The following RND3 variants were observed in gnomAD, a reference collection of about 807,000 sequenced individuals.
The protein encoded by RND3 is Rho family GTPase 3.
Under a neutral mutation model 26.5 loss-of-function variants are expected in RND3, and 8 were observed. That is an observed-to-expected ratio of 0.30 (90% CI 0.18 to 0.54). The LOEUF is 0.54. Ranked by LOEUF, RND3 falls within the 20% of genes least tolerant of loss-of-function variation. The probability of loss-of-function intolerance (pLI) is 0.94; values close to 1 mark genes in which losing one functional copy is unlikely to be tolerated. For missense variants in RND3, 207 were observed against 302.8 expected (o/e 0.68, Z 2.35); for synonymous variants, 113 against 113.0 (o/e 1.00, Z 0.00).
Position 150,487,470 on chromosome 2 carries a change from A to ATATATATAT in RND3, c.-38-16_-38-15insATATATATA, listed in dbSNP as rs1236158055. On this transcript the variant is annotated splice_polypyrimidine_tract_variant and intron_variant, in intron 1 of 5. Coordinates refer to ENST00000263895, the MANE Select transcript of RND3 (RefSeq NM_005168.5). The stretch of plus-strand genomic sequence containing the variant: ...AGGAATTTTCTCTTAAGAAGAAAAA[A>ATATATATAT]AAAAATATATATATATATATATATT... The ATATATATAT allele has an allele frequency of 1.2e-4, 50 of 402,424 alleles. No individual in the cohort carries two copies. Among genetic ancestry groups the ATATATATAT allele is most frequent in the East Asian group, 2.1e-4 (3 of 14,540 alleles). 24.9% of individuals were successfully genotyped at this position (402,424 alleles called of 1,614,324 possible).
chr2:150,475,882 C>T (rs1456823700), intron 3 of RND3, among the ~76,000 whole-genome samples: 1 of 152,112 alleles, frequency 6.6e-6, no homozygotes. Context: ...AAGGCACCAG[C>T]CAATTAATTT....
At chr2:150,479,291 C>A (rs1046615883) in intron 3 of RND3, among the ~76,000 whole-genome samples, 5 of 152,098 alleles carry the variant, frequency 3.3e-5, no homozygotes, top group East Asian at 1.9e-4. Flanking sequence ...GCTGAAGTCA[C>A]CCTTTCGCAA....
At chr2:150,482,240 T>C (rs896208493) in intron 3 of RND3, among the ~76,000 whole-genome samples, 1 of 152,230 alleles carries the variant, frequency 6.6e-6, no homozygotes, top group African/African-American at 2.4e-5. Context: ...TGAATGATTA[T>C]TACTCCCTAA....
intron 3 of RND3, among the ~76,000 whole-genome samples, chr2:150,480,291 C>A (rs570537313): frequency 2.6e-5 from 4 of 152,230 alleles, no homozygotes; most frequent in African/African-American, 9.6e-5. Flanking sequence ...GCTCATTTTT[C>A]AAAACCAATG....
chr2:150,477,389 A>G (rs1169174956), intron 3 of RND3, among the ~76,000 whole-genome samples: 2 of 152,228 alleles, frequency 1.3e-5, no homozygotes, highest in East Asian at 1.9e-4. Context: ...AGGAAAAGCG[A>G]TTGAAGAAAT....
intron 3 of RND3, among the ~76,000 whole-genome samples, chr2:150,478,854 A>G (rs1420763776): frequency 6.6e-6 from 1 of 152,180 alleles, no homozygotes; most frequent in African/African-American, 2.4e-5. Context: ...CATGTGGAAT[A>G]GGCTTCATGC....
At chr2:150,472,929 C>T (rs776468542) in intron 4 of RND3, among the ~76,000 whole-genome samples, 22 of 151,982 alleles carry the variant, frequency 1.4e-4, no homozygotes, top group Non-Finnish European at 2.5e-4. Context: ...CAAACTACAC[C>T]AGAGGATTCA....
intron 5 of RND3, among the ~76,000 whole-genome samples, chr2:150,471,003 T>C (rs1361461502): frequency 6.6e-6 from 1 of 152,218 alleles, no homozygotes; most frequent in African/African-American, 2.4e-5. Flanking sequence ...TTTCTAAGTG[T>C]GAACCATACC....
intron 4 of RND3, among the ~76,000 whole-genome samples, chr2:150,473,668 G>A (rs913103603): frequency 6.6e-6 from 1 of 152,172 alleles, no homozygotes; most frequent in Admixed American, 6.5e-5. Flanking sequence ...TCTACTAAGA[G>A]TTTTATTGAA....
At chr2:150,481,897 C>G (rs1488477007) in intron 3 of RND3, among the ~76,000 whole-genome samples, 1 of 152,208 alleles carries the variant, frequency 6.6e-6, no homozygotes, top group Admixed American at 6.5e-5. Flanking sequence ...GTACAATAAT[C>G]TAAATATAAC....
rs898698275 is a variant in RND3, at chr2:150,486,710, G to A, written c.222C>T (p.Ser74=). The change falls in exon 3 of 6, where the codon AGC becomes AGT. Residue 74 remains serine, a synonymous_variant. Coordinates refer to ENST00000263895, the MANE Select transcript of RND3 (RefSeq NM_005168.5). The surrounding 1 kb of genome is among the most constrained non-coding windows in gnomAD (Gnocchi z 4.5). ...FEIDTQRIEL[S]LWDTSGSPYY... ...CACTCTTACCCGAAGTGTCCCACAG[G>A]CTCAACTCTATTCTTTGTGTGTCGA... 1.9e-6 allele frequency: 3 copies of A among 1,612,300 alleles called. No homozygotes were observed. The African/African-American group carries it at 4.0e-5, about 22-fold the overall frequency.
At position 150,468,672 on chromosome 2, in the gene RND3, C is replaced by A. The variant is rs1411890744; in HGVS notation, c.*1315G>T. ...AAACAGGTCAGATCTGGTTTCTTCT[C>A]TGAAAGAATCTCTAAAAGGAACTGG... On this transcript the variant is annotated 3_prime_UTR_variant, in exon 6 of 6. Coordinates refer to ENST00000263895, the MANE Select transcript of RND3 (RefSeq NM_005168.5). 6.6e-6 allele frequency: 1 copy of A among 152,638 alleles called. No homozygotes were observed. Among genetic ancestry groups the A allele is most frequent in the African/African-American group, 2.4e-5 (1 of 41,452 alleles). 9.5% of individuals were successfully genotyped at this position (152,638 alleles called of 1,614,324 possible). A position where few individuals can be genotyped will look rare whatever the true frequency, so the allele number is the denominator to read the frequency against.
In RND3 at chr2:150,486,688, T is replaced by C; in HGVS notation, c.238+6A>G. 1 of 1,605,828 alleles carries C rather than the reference T, an allele frequency of 6.2e-7. No individual in the cohort carries two copies. The highest frequency in any genetic ancestry group is 8.5e-7 in the Non-Finnish European group (1 of 1,172,472). ...CCCAAGCGCCACGCGGTCCTCCCAC[T>C]CTTACCCGAAGTGTCCCACAGGCTC... On this transcript the variant is annotated splice_donor_region_variant and intron_variant, in intron 3 of 5. Transcript: ENST00000263895. This position sits in a 1 kb window ranked among gnomAD's most constrained non-coding sequence, Gnocchi z 4.5.
chr2:150,477,726 A>G (rs575093489), intron 3 of RND3, among the ~76,000 whole-genome samples: 1 of 152,278 alleles, frequency 6.6e-6, no homozygotes, highest in South Asian at 2.1e-4. Context: ...ATTTTCAGGG[A>G]AGTTTGTATC....
chr2:150,485,046 GA>G (rs1016674174), intron 3 of RND3, among the ~76,000 whole-genome samples: 1 of 152,142 alleles, frequency 6.6e-6, no homozygotes, highest in African/African-American at 2.4e-5. Flanking sequence ...ATTCTGATAG[GA>G]ACTACTGAAA....
At chr2:150,471,460 G>C (rs146640859) in intron 5 of RND3, among the ~76,000 whole-genome samples, 167 bp downstream of exon 5, 1 of 152,192 alleles carries the variant, frequency 6.6e-6, no homozygotes, top group Non-Finnish European at 1.5e-5. Flanking sequence ...TTATGTACCC[G>C]AATATCATGT....
intron 3 of RND3, among the ~76,000 whole-genome samples, chr2:150,476,558 G>A (rs1000477426): frequency 6.6e-6 from 1 of 152,196 alleles, no homozygotes; most frequent in African/African-American, 2.4e-5. Context: ...AATAAATAGA[G>A]AATTAAGTCA....
chr2:150,484,803 G>T (rs1369225259), intron 3 of RND3, among the ~76,000 whole-genome samples: 1 of 152,130 alleles, frequency 6.6e-6, no homozygotes, highest in Non-Finnish European at 1.5e-5. Context: ...TGGTAACCAG[G>T]AGCTAAGATC....
At position 150,486,747 on chromosome 2, in the gene RND3, G is replaced by T; in HGVS notation, c.185C>A (p.Ala62Asp). Reference sequence around the variant, plus strand: ...TCTTTGTGTGTCGATTTCAAAACTGGCCGTGTAATTCTCAAACACTGTAGG... The same window carrying T: ...TCTTTGTGTGTCGATTTCAAAACTGTCCGTGTAATTCTCAAACACTGTAGG... ...YVPTVFENYT[A>D]SFEIDTQRIE... is the part of the protein sequence containing the mutation. Residue 62 changes from alanine (A) to aspartate (D), a missense_variant, in exon 3 of 6, where the codon GCC (alanine) becomes GAC (aspartate). Transcript: ENST00000263895. The surrounding 1 kb of genome is among the most constrained non-coding windows in gnomAD (Gnocchi z 4.5). 6.2e-7 allele frequency: 1 copy of T among 1,613,736 alleles called. No homozygotes were observed. The highest frequency in any genetic ancestry group is 8.5e-7 in the Non-Finnish European group (1 of 1,179,606).
Sources: gnomAD v4.1 joint callset for allele counts (sites outside exome capture counted in the v4.1 genomes callset) on GRCh38, gnomAD v4.1.1 for gene constraint, Gnocchi (gnomAD v3.1) non-coding constraint, MANE v1.5 for transcripts, NCBI Gene and HGNC (gene_info 2026-07-23, HGNC 2026-07-21) for gene names.